Variants in RABEP1 observed in about 807,000 individuals in gnomAD.
RABEP1 encodes the protein rab GTPase-binding effector protein 1.
A neutral mutation model predicts 123.4 loss-of-function variants in RABEP1; 51 were observed. The ratio of observed to expected loss-of-function variants is 0.41; its 90% CI spans 0.33 to 0.52. RABEP1 has a LOEUF of 0.52. RABEP1 is among the 20% of genes least tolerant of loss of function. The probability of loss-of-function intolerance (pLI) is 0.16; values close to 1 mark genes in which losing one functional copy is unlikely to be tolerated. For synonymous variants in RABEP1, 347 were observed against 355.2 expected, an observed-to-expected ratio of 0.98 and a Z score of 0.26; for missense variants, 888 against 996.3, an observed-to-expected ratio of 0.89 and a Z score of 1.46.
chr17:5,363,082 C>A, intron 10 of RABEP1, 66 bp downstream of exon 10: 1 of 1,194,562 alleles, frequency 8.4e-7, no homozygotes, highest in Non-Finnish European at 1.2e-6. Context: ...GAATTAATTG[C>A]CCCCCTCTCC....
intron 2 of RABEP1, among the ~76,000 whole-genome samples, chr17:5,331,729 A>T (rs1906564589): frequency 6.6e-6 from 1 of 152,188 alleles, no homozygotes; most frequent in South Asian, 2.1e-4. Flanking sequence ...GCAGACGGGA[A>T]TGCGTAAATT....
intron 1 of RABEP1, among the ~76,000 whole-genome samples, chr17:5,284,886 C>G (rs2074962774): frequency 6.7e-6 from 1 of 150,244 alleles, no homozygotes; most frequent in South Asian, 2.1e-4. Context: ...TCTTTTGTGT[C>G]AAACTGGTGG....
chr17:5,370,433 T>C (rs1910436745), intron 12 of RABEP1, among the ~76,000 whole-genome samples: 1 of 152,242 alleles, frequency 6.6e-6, no homozygotes, highest in Non-Finnish European at 1.5e-5. Flanking sequence ...GGTTTTCCTT[T>C]TTATATTTTC....
chr17:5,298,153 C>T (rs1386319796), intron 1 of RABEP1, among the ~76,000 whole-genome samples: 1 of 152,044 alleles, frequency 6.6e-6, no homozygotes, highest in African/African-American at 2.4e-5. Flanking sequence ...AAAATATAAC[C>T]CTGTGTTTTT....
At chr17:5,374,258 G>A (rs1320837769) in intron 13 of RABEP1, among the ~76,000 whole-genome samples, 2 of 150,842 alleles carry the variant, frequency 1.3e-5, no homozygotes, top group African/African-American at 2.5e-5. Flanking sequence ...AGTATAGATG[G>A]GGTTTCACCA....
Position 5,331,985 on chromosome 17 carries a change from C to T in RABEP1, c.200C>T (p.Ala67Val), listed in dbSNP as rs1324946977. The T allele has an allele frequency of 6.2e-7, 1 of 1,613,934 alleles. No individual in the cohort carries two copies. The highest frequency in any genetic ancestry group is 8.5e-7 in the Non-Finnish European group (1 of 1,179,958). ...LKRQNAVLQAAQDDLGHLRTQ... is the reference protein window; with the variant it reads ...LKRQNAVLQAVQDDLGHLRTQ... The stretch of plus-strand genomic sequence containing the variant: ...AGGCAAAATGCAGTATTACAAGCTG[C>T]ACAAGATGATTTGGGACACCTTCGA... Residue 67 changes from alanine to valine, a missense_variant, in exon 3 of 18, where the codon GCA becomes GTA. By Grantham distance (64) the Ala-to-Val change is moderately conservative. Transcript: ENST00000537505.
intron 1 of RABEP1, among the ~76,000 whole-genome samples, chr17:5,289,505 GA>G (rs1325082828): frequency 6.7e-6 from 1 of 149,886 alleles, no homozygotes; most frequent in African/African-American, 2.5e-5. Flanking sequence ...TATTTAAAGA[GA>G]AAAAACCTTA....
In RABEP1 at chr17:5,383,607, A is replaced by T. The variant is rs1911686450; in HGVS notation, c.*384A>T. On this transcript the variant is annotated 3_prime_UTR_variant, in exon 18 of 18. Transcript: ENST00000537505. ...TCTGTTCATAGATATTGGAAGAGAG[A>T]ATTTGCTTTATCTGTTGTCTAGAGC... is the stretch of plus-strand genomic sequence containing the variant. The T allele has an allele frequency of 3.7e-6, 1 of 273,132 alleles. No homozygotes were observed. Among genetic ancestry groups the T allele is most frequent in the Non-Finnish European group, 7.0e-6 (1 of 141,932 alleles). The allele number at this position is 273,132 out of a possible 1,614,324, so 16.9% of individuals were successfully genotyped here. A position where few individuals can be genotyped will look rare whatever the true frequency, so the allele number is the denominator to read the frequency against.
At position 5,333,888 on chromosome 17, in the gene RABEP1, C is replaced by T. The variant is rs142455702; in HGVS notation, c.368-1296C>T. Among the ~76,000 whole-genome samples the T allele has an allele frequency of 2.6e-5, 4 of 152,320 alleles. No individual in the cohort carries two copies. In the East Asian group the frequency reaches 5.8e-4, roughly 22 times the overall value. On this transcript the variant is annotated intron_variant, in intron 3 of 17. Transcript: ENST00000537505. Reference sequence around the variant, plus strand: ...CTAGAAGTACCCAGCATATCCCTTTCGCTTTGTTGACCAAGTGTGTGGTCA... The same window carrying T: ...CTAGAAGTACCCAGCATATCCCTTTTGCTTTGTTGACCAAGTGTGTGGTCA...
intron 5 of RABEP1, among the ~76,000 whole-genome samples, chr17:5,338,694 C>T (rs945912500): frequency 2.6e-5 from 4 of 152,266 alleles, no homozygotes; most frequent in South Asian, 2.1e-4. Flanking sequence ...AGTTAATGTT[C>T]ATTTTCTTAA....
intron 11 of RABEP1, among the ~76,000 whole-genome samples, chr17:5,367,041 G>A (rs970389123): frequency 3.6e-4 from 54 of 150,968 alleles, no homozygotes; most frequent in Middle Eastern, 3.4e-3. Context: ...GTGAGCCAAG[G>A]TCATGCCATT....
At chr17:5,333,276 C>T (rs1200566175) in intron 3 of RABEP1, among the ~76,000 whole-genome samples, 7 of 152,148 alleles carry the variant, frequency 4.6e-5, no homozygotes, top group Non-Finnish European at 1.0e-4. Flanking sequence ...GATTCTCCTG[C>T]CTCAGTCTCT....
intron 12 of RABEP1, among the ~76,000 whole-genome samples, chr17:5,368,959 C>T (rs11657691): frequency 0.47 from 70,944 of 151,670 alleles, 17,955 homozygotes; most frequent in African/African-American, 0.68. Flanking sequence ...ATACAAAAAA[C>T]TAGCCGGGCG....
intron 3 of RABEP1, 109 bp from the exon 4 acceptor site, chr17:5,335,075 T>G: frequency 1.1e-6 from 1 of 886,820 alleles, no homozygotes; most frequent in East Asian, 2.7e-5. Flanking sequence ...AATTAAACAT[T>G]TTCCAGAAAT....
chr17:5,373,458 A>C lies in RABEP1; in HGVS notation c.2025+4A>C. On this transcript the variant is annotated splice_donor_region_variant and intron_variant, in intron 13 of 17. Transcript: ENST00000537505. ...CATCCTCCCAGACACTACAGAGGTA[A>C]CTTACTTTCCACATGATCAAAAATG... 1 of 1,593,128 alleles carries C rather than the reference A, an allele frequency of 6.3e-7. No individual in the cohort carries two copies. The highest frequency in any genetic ancestry group is 8.5e-7 in the Non-Finnish European group (1 of 1,171,894).
At chr17:5,381,550 G>T in intron 17 of RABEP1, 45 bp downstream of exon 17, 1 of 1,590,594 alleles carries the variant, frequency 6.3e-7, no homozygotes, top group South Asian at 1.2e-5. Context: ...AGGCAGTTTT[G>T]GGGGACAGAA....
At chr17:5,353,990 C>T (rs2144655846) in intron 7 of RABEP1, among the ~76,000 whole-genome samples, 1 of 152,196 alleles carries the variant, frequency 6.6e-6, no homozygotes, top group East Asian at 1.9e-4. Flanking sequence ...GTCTCAAAAA[C>T]AAACTTTTTC....
chr17:5,325,861 A>C (rs1297626189), intron 2 of RABEP1, among the ~76,000 whole-genome samples: 1 of 152,234 alleles, frequency 6.6e-6, no homozygotes, highest in Non-Finnish European at 1.5e-5. Flanking sequence ...CAACAGTAAC[A>C]AAATGAACAG....
In RABEP1 at chr17:5,373,307, A is replaced by G. The variant is rs764165064; in HGVS notation, c.1885-7A>G. 27 of 1,610,910 alleles carry G rather than the reference A, an allele frequency of 1.7e-5. No individual in the cohort carries two copies. Among genetic ancestry groups the G allele is most frequent in the Middle Eastern group, 1.7e-4 (1 of 6,050 alleles). On this transcript the variant is annotated splice_polypyrimidine_tract_variant and splice_region_variant and intron_variant, in intron 12 of 17. Transcript: ENST00000537505. Reference sequence around the variant, plus strand: ...CTGGCTGTGATTAGTATCTACTTCTATTTTAGGCGGTGCTGATGCAGTCAC... The same window carrying G: ...CTGGCTGTGATTAGTATCTACTTCTGTTTTAGGCGGTGCTGATGCAGTCAC...
Sources: allele counts gnomAD v4.1 joint callset (sites outside exome capture counted in the v4.1 genomes callset), GRCh38; gene constraint gnomAD v4.1.1; transcripts MANE v1.5; gene names NCBI Gene and HGNC (gene_info 2026-07-23, HGNC 2026-07-21).